Variants in SBF2 observed in about 807,000 individuals in gnomAD.
SBF2 encodes myotubularin-related protein 13.
In SBF2, 112 loss-of-function variants were observed where a neutral mutation model predicts 225.2. That is an observed-to-expected ratio of 0.50 (90% CI 0.43 to 0.58). The LOEUF (loss-of-function observed/expected upper bound fraction) is 0.58. Ranked by LOEUF, SBF2 falls within the 20% of genes least tolerant of loss-of-function variation. The pLI is 0.00. For synonymous variants in SBF2, 763 were observed against 773.3 expected (o/e 0.99, Z 0.22); for missense variants, 1,996 against 2,206.2 (o/e 0.90, Z 1.91).
intron 1 of SBF2, among the ~76,000 whole-genome samples, chr11:10,229,525 G>C (rs1038898440): frequency 6.6e-6 from 1 of 151,932 alleles, no homozygotes; most frequent in Non-Finnish European, 1.5e-5. Context: ...CTTCGTTCTT[G>C]TTGGTTTCAA....
At chr11:10,199,932 T>C (rs188875887) in intron 1 of SBF2, among the ~76,000 whole-genome samples, 156 of 152,304 alleles carry the variant, frequency 1.0e-3, no homozygotes, top group Admixed American at 3.1e-3. Context: ...AACTATCATA[T>C]GTTCCAACAA....
chr11:10,195,405 A>G (rs149287109), intron 1 of SBF2, among the ~76,000 whole-genome samples: 131 of 152,332 alleles, frequency 8.6e-4, no homozygotes, highest in African/African-American at 3.0e-3. Context: ...GATGGAAGGT[A>G]CATGTTAAAT....
At chr11:9,872,192 A>G (rs1215137698) in intron 17 of SBF2, among the ~76,000 whole-genome samples, 1 of 152,194 alleles carries the variant, frequency 6.6e-6, no homozygotes, top group African/African-American at 2.4e-5. Context: ...GGTGGAAGCT[A>G]TTATCCTCAG....
chr11:9,968,260 C>T (rs1867095793), intron 14 of SBF2, 81 bp downstream of exon 14: 1 of 1,260,494 alleles, frequency 7.9e-7, no homozygotes, highest in African/African-American at 1.5e-5. Flanking sequence ...TGTGAAAATT[C>T]ATCAAATTGC....
chr11:9,860,772 G>A (rs1857670608), intron 17 of SBF2, among the ~76,000 whole-genome samples: 1 of 152,194 alleles, frequency 6.6e-6, no homozygotes, highest in Non-Finnish European at 1.5e-5. Flanking sequence ...AAATGTTGAA[G>A]TCTTGAAATT....
intron 38 of SBF2, 100 bp downstream of exon 38, chr11:9,784,251 C>G (rs990906628): frequency 2.5e-5 from 23 of 912,254 alleles, no homozygotes; most frequent in Non-Finnish European, 3.8e-5. Flanking sequence ...AAAAAGCAGT[C>G]TGTACATGAG....
intron 16 of SBF2, among the ~76,000 whole-genome samples, chr11:9,929,420 A>C (rs1864316737): frequency 6.6e-6 from 1 of 152,178 alleles, no homozygotes; most frequent in Non-Finnish European, 1.5e-5. Context: ...TAGGACCAAG[A>C]AGCAGCTCCA....
chr11:10,144,672 T>C (rs1591060768), intron 2 of SBF2, among the ~76,000 whole-genome samples: 1 of 152,216 alleles, frequency 6.6e-6, no homozygotes. Context: ...TCTAGGAAGT[T>C]GAGATGATGT....
chr11:10,219,703 G>A (rs1203271786), intron 1 of SBF2, among the ~76,000 whole-genome samples: 1 of 152,122 alleles, frequency 6.6e-6, no homozygotes, highest in African/African-American at 2.4e-5. Flanking sequence ...TCTCTTTCTG[G>A]TTCAAAGTTC....
intron 28 of SBF2, among the ~76,000 whole-genome samples, chr11:9,821,559 G>A (rs1854756244): frequency 6.6e-6 from 1 of 152,198 alleles, no homozygotes; most frequent in Non-Finnish European, 1.5e-5. Context: ...GGTCTACTTA[G>A]ATTTCCTGAA....
In SBF2 at chr11:9,780,408, AC is replaced by A. The variant is rs1326582540; in HGVS notation, c.*9del. On this transcript the variant is annotated 3_prime_UTR_variant, in exon 40 of 40. Transcript: ENST00000256190. The stretch of plus-strand genomic sequence containing the variant: ...TCTTCTGTTTCTTCTGCGTGGGTTG[AC>A]CATGGGCATCAGGCATCAGAGATAC... The A allele has an allele frequency of 6.2e-7, 1 of 1,609,980 alleles. No individual in the cohort carries two copies. Among genetic ancestry groups the A allele is most frequent in the East Asian group, 2.2e-5 (1 of 44,848 alleles).
chr11:9,923,253 T>C (rs780926842), intron 16 of SBF2, among the ~76,000 whole-genome samples: 17 of 152,144 alleles, frequency 1.1e-4, no homozygotes, highest in Admixed American at 3.9e-4. Flanking sequence ...CCCTTGTTAA[T>C]TGGACTCTGC....
In SBF2 at chr11:10,185,794, G is replaced by A. The variant is rs545499924; in HGVS notation, c.141+8108C>T. Among the ~76,000 whole-genome samples the A allele has an allele frequency of 3.9e-5, 6 of 152,042 alleles. No individual in the cohort carries two copies. The East Asian group carries it at 7.7e-4, about 20-fold the overall frequency. On this transcript the variant is annotated intron_variant, in intron 2 of 39. Transcript: ENST00000256190. Reference sequence around the variant, plus strand: ...TGTTCTGATGAGTGGCTGTGGTACCGCTAATTCAACGAGTCCCCATACTAA... The same window carrying A: ...TGTTCTGATGAGTGGCTGTGGTACCACTAATTCAACGAGTCCCCATACTAA...
intron 1 of SBF2, among the ~76,000 whole-genome samples, chr11:10,230,450 G>A (rs562099358): frequency 8.5e-5 from 13 of 152,184 alleles, no homozygotes; most frequent in South Asian, 2.1e-4. Context: ...GGCTGGTACC[G>A]GTTGTTCCTT....
chr11:9,891,150 A>G (rs1449833716), intron 17 of SBF2, among the ~76,000 whole-genome samples: 1 of 151,896 alleles, frequency 6.6e-6, no homozygotes, highest in East Asian at 1.9e-4. Flanking sequence ...AAAAAAAAAA[A>G]GTTAAATGGT....
At chr11:10,005,219 G>T (rs952918502) in intron 6 of SBF2, among the ~76,000 whole-genome samples, 1 of 152,136 alleles carries the variant, frequency 6.6e-6, no homozygotes, top group Non-Finnish European at 1.5e-5. Context: ...GAGGCAAAAT[G>T]GCAGAGTTTA....
chr11:10,070,178 A>T (rs942087634), intron 2 of SBF2, among the ~76,000 whole-genome samples: 13 of 152,124 alleles, frequency 8.5e-5, no homozygotes, highest in African/African-American at 2.9e-4. Context: ...CCATTTGTCA[A>T]TTTTGGCTTT....
Position 9,856,492 on chromosome 11 carries a change from A to T in SBF2, c.2329T>A (p.Trp777Arg), listed in dbSNP as rs1321841784. The T allele has an allele frequency of 6.2e-7, 1 of 1,614,172 alleles. No homozygotes were observed. The highest frequency in any genetic ancestry group is 8.5e-7 in the Non-Finnish European group (1 of 1,180,034). The part of the protein sequence containing the change: ...KLLRTSAPGD[W>R]ESGSNSIVTN... ...ACAATGCTGTTGCTTCCGCTCTCCC[A>T]GTCACCTGGCGCTGATGTTCTTAGG... is the stretch of plus-strand genomic sequence containing the variant. Residue 777 changes from tryptophan (W) to arginine (R), a missense_variant, in exon 19 of 40, where the codon TGG becomes AGG. Transcript: ENST00000256190.
At chr11:9,944,845 C>A (rs1177963957) in intron 16 of SBF2, among the ~76,000 whole-genome samples, 1 of 152,144 alleles carries the variant, frequency 6.6e-6, no homozygotes, top group African/African-American at 2.4e-5. Flanking sequence ...GGAGCTCATG[C>A]CTGTAATCCC....
Sources: gnomAD v4.1 joint callset for allele counts (sites outside exome capture counted in the v4.1 genomes callset) on GRCh38, gnomAD v4.1.1 for gene constraint, MANE v1.5 for transcripts, NCBI Gene and HGNC (gene_info 2026-07-23, HGNC 2026-07-21) for gene names.